SLC22A5: variants seen among roughly 807,000 people sequenced by gnomAD.
SLC22A5 encodes organic cation/carnitine transporter 2.
Under a neutral mutation model 56.7 loss-of-function variants are expected in SLC22A5, and 44 were observed. The ratio of observed to expected loss-of-function variants is 0.78; its 90% CI spans 0.61 to 1.00. The LOEUF (loss-of-function observed/expected upper bound fraction) is 1.00, where lower values mean the gene tolerates loss of function less well. SLC22A5 is among the 50% of genes least tolerant of loss of function. The pLI is 0.00. For synonymous variants in SLC22A5, 278 were observed against 292.1 expected, an observed-to-expected ratio of 0.95 and a Z score of 0.49; for missense variants, 675 against 723.0, an observed-to-expected ratio of 0.93 and a Z score of 0.76.
chr5:132,392,005 A>G lies in SLC22A5; in HGVS notation c.1268-428A>G, dbSNP rs1273678073. Among the ~76,000 whole-genome samples the G allele has an allele frequency of 2.6e-5, 4 of 152,322 alleles. No individual in the cohort carries two copies. The East Asian group carries it at 7.7e-4, about 29-fold the overall frequency. On this transcript the variant is annotated intron_variant, in intron 7 of 9. Coordinates refer to ENST00000245407, the MANE Select transcript of SLC22A5 (RefSeq NM_003060.4). The stretch of plus-strand genomic sequence containing the variant: ...GATCAACTTGAGATTCTGATGGCCT[A>G]TGATTTTTTTGAGGTCTGAGTGGGA...
intron 4 of SLC22A5, among the ~76,000 whole-genome samples, chr5:132,386,330 C>T (rs1010131530): frequency 7.9e-5 from 12 of 151,604 alleles, no homozygotes; most frequent in African/African-American, 2.4e-4. Flanking sequence ...CCAGTTCAAG[C>T]GATTCTCATG....
intron 2 of SLC22A5, chr5:132,381,053 T>C (rs1055813373): frequency 6.6e-5 from 10 of 152,116 alleles, no homozygotes; most frequent in Admixed American, 3.9e-4. Flanking sequence ...AGAATGCCCT[T>C]GATGTGAAAA....
intron 1 of SLC22A5, chr5:132,376,043 T>C (rs1752129454): frequency 6.6e-6 from 1 of 152,186 alleles, no homozygotes; most frequent in Non-Finnish European, 1.5e-5. Context: ...AGGGGGTACT[T>C]AGCCTGGACT....
At chr5:132,376,463 C>T (rs560458440) in intron 1 of SLC22A5, 1 of 152,272 alleles carries the variant, frequency 6.6e-6, no homozygotes, top group South Asian at 2.1e-4. Context: ...GTCACCCTGT[C>T]CCCTGCAGAG....
Position 132,370,218 on chromosome 5 carries a change from C to T in SLC22A5, c.246C>T (p.Arg82=), listed in dbSNP as rs377767448. The T allele has an allele frequency of 2.5e-5, 40 of 1,586,654 alleles. No individual in the cohort carries two copies. The highest frequency in any genetic ancestry group is 2.2e-4 in the Admixed American group (12 of 55,786). Residue 82 remains arginine, a synonymous_variant, in exon 1 of 10, where the codon CGC becomes CGT. Transcript: ENST00000245407. ...GCCGCGAGGTGCCCCACAGCTGCCG[C>T]CGCTACCGGCTCGCCACCATCGCCA... ...RDGREVPHSC[R]RYRLATIANF... is the part of the protein sequence containing the mutation.
chr5:132,390,444 T>C (rs1752658831), intron 6 of SLC22A5: 1 of 563,946 alleles, frequency 1.8e-6, no homozygotes, highest in Non-Finnish European at 3.2e-6. Context: ...GCTTTTTTGC[T>C]GGGACACTGT....
rs191412132 is a variant in SLC22A5 at position 132,391,293 on chromosome 5, C to T, written c.1267+389C>T. On this transcript the variant is annotated intron_variant, in intron 7 of 9. Coordinates refer to ENST00000245407, the MANE Select transcript of SLC22A5 (RefSeq NM_003060.4). ...GGCTGGGCACTGTGCTCGGTGATAA[C>T]GATACACAAGAAAACAAGCCAGGCA... Among the ~76,000 whole-genome samples the T allele has an allele frequency of 3.1e-3, 472 of 152,092 alleles. 2 individuals carry two copies. The highest frequency in any genetic ancestry group is 0.011 in the African/African-American group (447 of 41,480).
At chr5:132,387,303 AC>A in intron 5 of SLC22A5, 152 bp downstream of exon 5, 1 of 688,966 alleles carries the variant, frequency 1.5e-6, no homozygotes, top group East Asian at 3.1e-5. Context: ...CCCACTCCCC[AC>A]CCCCACACGG....
At chr5:132,371,072 C>T (rs373890044) in intron 1 of SLC22A5, among the ~76,000 whole-genome samples, 10 of 151,240 alleles carry the variant, frequency 6.6e-5, no homozygotes, top group Non-Finnish European at 8.9e-5. Context: ...CTTCGCCTTC[C>T]GGGCTCAAGT....
chr5:132,380,147 G>A (rs1360732165), intron 2 of SLC22A5: 1 of 152,526 alleles, frequency 6.6e-6, no homozygotes, highest in Non-Finnish European at 1.5e-5. Flanking sequence ...AGAGTGGGAA[G>A]ATGAGTCGAA....
Position 132,378,379 on chromosome 5 carries a change from G to A in SLC22A5, c.395G>A (p.Trp132Ter), listed in dbSNP as rs886041277. 4.3e-6 allele frequency: 7 copies of A among 1,614,048 alleles called. No individual in the cohort carries two copies. The highest frequency in any genetic ancestry group is 1.1e-5 in the South Asian group (1 of 91,084). The change falls in exon 2 of 10, where the codon TGG becomes TAG. Residue 132 changes from tryptophan (W) to a stop codon, truncating the protein, a stop_gained and splice_region_variant. Coordinates refer to ENST00000245407, the MANE Select transcript of SLC22A5 (RefSeq NM_003060.4). LOFTEE classifies it high-confidence loss of function. ...DVYLSTIVTE[W>*]NLVCEDDWKA... Reference sequence around the variant, plus strand: ...ACACCCCCTTTGCTCATCTTGCAGTGGAACCTGGTGTGTGAGGACGACTGG... The same window carrying A: ...ACACCCCCTTTGCTCATCTTGCAGTAGAACCTGGTGTGTGAGGACGACTGG...
At chr5:132,389,376 A>G (rs1752631558) in intron 6 of SLC22A5, 1 of 355,216 alleles carries the variant, frequency 2.8e-6, no homozygotes, top group Non-Finnish European at 5.5e-6. Flanking sequence ...TTTAAGAAGG[A>G]TCTGAGTGAA....
chr5:132,376,674 T>G (rs2126773596), intron 1 of SLC22A5: 1 of 152,364 alleles, frequency 6.6e-6, no homozygotes. Flanking sequence ...GCTGACCCTT[T>G]GTTCATGTTT....
intron 1 of SLC22A5, among the ~76,000 whole-genome samples, chr5:132,372,106 C>T (rs1226719022): frequency 5.3e-5 from 8 of 152,194 alleles, no homozygotes; most frequent in Admixed American, 3.3e-4. Flanking sequence ...GACATAGCTT[C>T]AGTGTCCAGA....
At chr5:132,389,195 A>G in intron 6 of SLC22A5, 174 bp downstream of exon 6, 1 of 622,488 alleles carries the variant, frequency 1.6e-6, no homozygotes, top group South Asian at 1.7e-5. Flanking sequence ...TCTTAATGGG[A>G]TGGAACCTCA....
At chr5:132,373,529 G>A (rs1387111939) in intron 1 of SLC22A5, among the ~76,000 whole-genome samples, 2 of 152,098 alleles carry the variant, frequency 1.3e-5, no homozygotes, top group East Asian at 3.9e-4. Context: ...CCAGCTACTT[G>A]GGAGACTGAA....
In SLC22A5 at chr5:132,392,576, C is replaced by T. The variant is rs749282641; in HGVS notation, c.1411C>T (p.Arg471Cys). ...MGVGVSSTAS[R>C]LGSILSPYFV... ...TGTGGGAGTCAGCTCCACAGCATCC[C>T]GCCTGGGCAGCATCCTGTCTCCCTA... Residue 471 changes from arginine (R) to cysteine (C), a missense_variant, in exon 8 of 10, where the codon CGC (arginine) becomes TGC (cysteine). Physicochemically the swap from Arg to Cys is radical, Grantham distance 180. Transcript: ENST00000245407. 3 of 1,614,114 alleles carry T rather than the reference C, an allele frequency of 1.9e-6. No homozygotes were observed. The highest frequency in any genetic ancestry group is 1.7e-5 in the Admixed American group (1 of 60,012).
intron 5 of SLC22A5, chr5:132,387,814 T>A (rs1381620078): frequency 6.3e-6 from 1 of 158,750 alleles, no homozygotes; most frequent in Non-Finnish European, 1.4e-5. Context: ...TCCCGTTCCC[T>A]CTCCTACCAT....
chr5:132,379,632 G>C (rs1246480610), intron 2 of SLC22A5: 1 of 152,112 alleles, frequency 6.6e-6, no homozygotes, highest in Non-Finnish European at 1.5e-5. Flanking sequence ...TTACAGGCAT[G>C]CACCACCATG....
Sources: allele counts gnomAD v4.1 joint callset (sites outside exome capture counted in the v4.1 genomes callset), GRCh38; gene constraint gnomAD v4.1.1; transcripts MANE v1.5; gene names NCBI Gene and HGNC (gene_info 2026-07-23, HGNC 2026-07-21).